Variants in ANKRD26 observed in about 807,000 individuals in gnomAD.
The protein encoded by ANKRD26 is ankyrin repeat domain 26.
Under a neutral mutation model 208.7 loss-of-function variants are expected in ANKRD26, and 141 were observed. The observed-to-expected ratio is 0.68, with a 90% confidence interval of 0.59 to 0.78. The LOEUF (loss-of-function observed/expected upper bound fraction) is 0.78. Among genes scored for constraint, ANKRD26 ranks in the 30% least tolerant of loss-of-function variants. The pLI, the probability that ANKRD26 is intolerant of heterozygous loss-of-function variation, is 0.00. For synonymous variants in ANKRD26, 636 were observed against 660.4 expected, an observed-to-expected ratio of 0.96 and a Z score of 0.57; for missense variants, 1,889 against 1,938.7, an observed-to-expected ratio of 0.97 and a Z score of 0.48.
chr10:27,075,865 T>C (rs35591841), intron 9 of ANKRD26, among the ~76,000 whole-genome samples: 14,554 of 152,186 alleles, frequency 0.096, 823 homozygotes, highest in East Asian at 0.28. Context: ...AAACAAGTCT[T>C]AATAAATTTT....
chr10:27,052,579 T>C (rs1207114263), intron 16 of ANKRD26, among the ~76,000 whole-genome samples: 3 of 152,162 alleles, frequency 2.0e-5, no homozygotes, highest in South Asian at 2.1e-4. Flanking sequence ...ATTGAAATTA[T>C]ATACCATAAT....
the ANKRD26 span, among the ~76,000 whole-genome samples, chr10:26,955,438 AAT>A: frequency 1.2e-4 from 17 of 145,960 alleles, no homozygotes; most frequent in South Asian, 8.4e-4. Context: ...CAAAAAAAAA[AAT>A]ATATATATAT....
At chr10:27,088,302 T>C (rs1309149116) in intron 4 of ANKRD26, 3 of 152,196 alleles carry the variant, frequency 2.0e-5, no homozygotes, top group African/African-American at 7.2e-5. Flanking sequence ...AATAGTAAAA[T>C]GGCCTTCCAG....
intron 9 of ANKRD26, among the ~76,000 whole-genome samples, chr10:27,072,662 C>G (rs952681494): frequency 6.6e-6 from 1 of 152,176 alleles, no homozygotes; most frequent in African/African-American, 2.4e-5. Flanking sequence ...GGCTAAAACT[C>G]AACAAGCACA....
chr10:27,022,824 G>T, intron 28 of ANKRD26, 137 bp from the exon 29 acceptor site: 1 of 795,666 alleles, frequency 1.3e-6, no homozygotes, highest in Non-Finnish European at 1.9e-6. Flanking sequence ...ATCTGACATA[G>T]TTTGAAAACA....
At chr10:27,086,797 A>T (rs1367503829) in intron 4 of ANKRD26, among the ~76,000 whole-genome samples, 188 bp from the exon 5 acceptor site, 1 of 118,274 alleles carries the variant, frequency 8.5e-6, no homozygotes, top group Non-Finnish European at 1.6e-5. Flanking sequence ...TTTGAGACAG[A>T]GTCTTACTCT....
chr10:27,077,063 C>T lies in ANKRD26; in HGVS notation c.1077+275G>A, dbSNP rs2055724847. ...ATAACAAAAAAAGAAAACTGCAGAC[C>T]AATATCTCTGATGAATATAGATACA... On this transcript the variant is annotated intron_variant, in intron 9 of 33. Coordinates refer to ENST00000376087, the MANE Select transcript of ANKRD26 (RefSeq NM_014915.3). 92 of 437,972 alleles carry T rather than the reference C, an allele frequency of 2.1e-4. 2 individuals carry two copies. In the South Asian group the frequency reaches 2.4e-3, roughly 11 times the overall value. The allele number at this position is 437,972 out of a possible 1,614,324, so 27.1% of individuals were successfully genotyped here.
chr10:27,006,005 T>C (rs1424077813), intron 33 of ANKRD26, among the ~76,000 whole-genome samples: 1 of 152,162 alleles, frequency 6.6e-6, no homozygotes, highest in Non-Finnish European at 1.5e-5. Context: ...AAGATGAAGA[T>C]GATATGATCC....
At chr10:27,033,523 A>G (rs917454862) in intron 24 of ANKRD26, 146 bp from the exon 25 acceptor site, 1 of 799,950 alleles carries the variant, frequency 1.3e-6, no homozygotes, top group Non-Finnish European at 1.9e-6. Flanking sequence ...TTGTCCTCAT[A>G]TGTACACATT....
downstream of ANKRD26, among the ~76,000 whole-genome samples, chr10:27,003,756 C>T (rs2052779787): frequency 6.6e-6 from 1 of 152,142 alleles, no homozygotes; most frequent in African/African-American, 2.4e-5. Flanking sequence ...ACTGTACAAA[C>T]CAAAATGGAG....
intron 23 of ANKRD26, among the ~76,000 whole-genome samples, chr10:27,036,854 C>G (rs117937107): frequency 6.6e-6 from 1 of 152,118 alleles, no homozygotes; most frequent in African/African-American, 2.4e-5. Context: ...GATGAAATCA[C>G]TTCCAAAATC....
rs759664127 is a variant in ANKRD26 at position 27,046,312 on chromosome 10, A to C, written c.1985+41T>G. 9 of 1,598,042 alleles carry C rather than the reference A, an allele frequency of 5.6e-6. No individual in the cohort carries two copies. The African/African-American group carries it at 1.1e-4, about 19-fold the overall frequency. On this transcript the variant is annotated intron_variant, in intron 18 of 33. Transcript: ENST00000376087. ...CTATTTTCAGAAAAAAATTACTACT[A>C]ACCTTCCTCCATAGAAAAATAAAGA...
chr10:27,021,238 T>C (rs975029059), intron 29 of ANKRD26, among the ~76,000 whole-genome samples: 1 of 152,244 alleles, frequency 6.6e-6, no homozygotes, highest in Non-Finnish European at 1.5e-5. Flanking sequence ...TGAATAGTAC[T>C]GCAATAAACA....
chr10:27,046,940 A>G (rs1381192166), intron 17 of ANKRD26, among the ~76,000 whole-genome samples: 1 of 152,138 alleles, frequency 6.6e-6, no homozygotes, highest in Non-Finnish European at 1.5e-5. Context: ...ATAGAAGGTG[A>G]GCACAGATTA....
chr10:26,995,384 T>C (rs912991707), intron 4 of ANKRD26, among the ~76,000 whole-genome samples: 2 of 152,274 alleles, frequency 1.3e-5, no homozygotes, highest in African/African-American at 4.8e-5. Context: ...GAGGCAGCCC[T>C]TGAGCTACAG....
At position 27,034,823 on chromosome 10, in the gene ANKRD26, T is replaced by A; in HGVS notation, c.3627A>T (p.Gln1209His). The change falls in exon 24 of 34, where the codon CAA becomes CAT. Residue 1209 changes from glutamine to histidine, a missense_variant. Transcript: ENST00000376087. Reference sequence around the variant, plus strand: ...CTCTTTCTGCCTTTTCATTTTCATATTGATACTGTCTTTCTTTTAAGTGAT... The same window carrying A: ...CTCTTTCTGCCTTTTCATTTTCATAATGATACTGTCTTTCTTTTAAGTGAT... ...ECNHLKERQY[Q>H]YENEKAEREV... The A allele has an allele frequency of 6.2e-7, 1 of 1,609,912 alleles. No homozygotes were observed. Among genetic ancestry groups the A allele is most frequent in the African/African-American group, 1.3e-5 (1 of 74,898 alleles).
the ANKRD26 span, among the ~76,000 whole-genome samples, chr10:26,950,759 T>C: frequency 6.6e-6 from 1 of 152,162 alleles, no homozygotes; most frequent in Non-Finnish European, 1.5e-5. Flanking sequence ...ACCTTTTTTC[T>C]TTATAAATGA....
intron 28 of ANKRD26, among the ~76,000 whole-genome samples, chr10:27,024,070 A>AC (rs921417606): frequency 6.6e-6 from 1 of 151,988 alleles, no homozygotes; most frequent in African/African-American, 2.4e-5. Context: ...AAAGGATGAC[A>AC]CAGATAGGTT....
intron 23 of ANKRD26, among the ~76,000 whole-genome samples, chr10:27,036,648 C>T (rs1476421889): frequency 6.6e-6 from 1 of 152,054 alleles, no homozygotes; most frequent in East Asian, 1.9e-4. Flanking sequence ...ACTAAATTAT[C>T]ACTAACTATA....
Sources: allele counts gnomAD v4.1 joint callset (sites outside exome capture counted in the v4.1 genomes callset), GRCh38; gene constraint gnomAD v4.1.1; transcripts MANE v1.5; gene names NCBI Gene and HGNC (gene_info 2026-07-23, HGNC 2026-07-21).